Variants in SLC4A7 observed in about 807,000 individuals in gnomAD.
The protein encoded by SLC4A7 is solute carrier family 4 member 7.
Under a neutral mutation model 137.6 loss-of-function variants are expected in SLC4A7, and 51 were observed. The observed-to-expected ratio is 0.37, with a 90% CI of 0.30 to 0.47. The LOEUF (loss-of-function observed/expected upper bound fraction) is 0.47. SLC4A7 is among the 20% of genes least tolerant of loss of function. SLC4A7 has a pLI of 1.00. For synonymous variants in SLC4A7, 542 were observed against 518.6 expected (o/e 1.05, Z -0.61); for missense variants, 1,247 against 1,525.4 (o/e 0.82, Z 3.04).
At chr3:27,483,276 A>C (rs1420579419) in intron 1 of SLC4A7, among the ~76,000 whole-genome samples, 3 of 152,268 alleles carry the variant, frequency 2.0e-5, no homozygotes, top group Non-Finnish European at 4.4e-5. Context: ...ACCGGCCTTA[A>C]GTCCATCCCC....
chr3:27,460,807 T>G (rs1207444324), intron 1 of SLC4A7, among the ~76,000 whole-genome samples: 2 of 152,208 alleles, frequency 1.3e-5, no homozygotes, highest in Non-Finnish European at 2.9e-5. Context: ...CCTTTAAGAA[T>G]CTAGTGCTGT....
At chr3:27,483,234 T>C (rs2059789871) in intron 1 of SLC4A7, among the ~76,000 whole-genome samples, 1 of 152,248 alleles carries the variant, frequency 6.6e-6, no homozygotes, top group Non-Finnish European at 1.5e-5. Flanking sequence ...TTCTTGAGCA[T>C]GGGCCGTTCA....
intron 24 of SLC4A7, among the ~76,000 whole-genome samples, chr3:27,380,151 A>T (rs959233861): frequency 6.6e-6 from 1 of 152,100 alleles, no homozygotes; most frequent in African/African-American, 2.4e-5. Context: ...TGCTAAAAAT[A>T]TAAAAATTAG....
intron 4 of SLC4A7, among the ~76,000 whole-genome samples, 176 bp downstream of exon 4, chr3:27,437,212 G>A (rs955615686): frequency 2.0e-5 from 3 of 151,928 alleles, no homozygotes; most frequent in African/African-American, 4.8e-5. Flanking sequence ...TTAGCCAGGC[G>A]TGGTGGCGGG....
intron 1 of SLC4A7, chr3:27,456,622 A>T: frequency 6.9e-7 from 1 of 1,439,446 alleles, no homozygotes; most frequent in Non-Finnish European, 9.8e-7. Context: ...GTTTGTAAAT[A>T]AAAGACAAGA....
At chr3:27,403,560 G>C (rs562825552) in intron 14 of SLC4A7, among the ~76,000 whole-genome samples, 176 bp from the exon 15 acceptor site, 2 of 149,472 alleles carry the variant, frequency 1.3e-5, no homozygotes, top group South Asian at 4.4e-4. Context: ...TGCTTCGGCT[G>C]AAGACTAGCT....
chr3:27,397,597 A>C (rs1286848672), intron 18 of SLC4A7, 87 bp downstream of exon 18: 2 of 703,560 alleles, frequency 2.8e-6, no homozygotes, highest in Non-Finnish European at 5.0e-6. Context: ...CATACTTTTA[A>C]AACAATAACT....
In SLC4A7 at chr3:27,394,701, T is replaced by C. The variant is rs764727322; in HGVS notation, c.2934A>G (p.Gly978=). The part of the protein sequence containing the change: ...GVMLGVCSVM[G]LPWFVAATVL... ...CTGTTGCAGCCACAAACCATGGAAG[T>C]CCCATGACAGAGCAAACTCCCAACA... Residue 978 remains glycine, a synonymous_variant, in exon 20 of 26, where the codon GGA becomes GGG. Transcript: ENST00000454389. 1 of 1,614,102 alleles carries C rather than the reference T, an allele frequency of 6.2e-7. No individual in the cohort carries two copies. The highest frequency in any genetic ancestry group is 2.2e-5 in the East Asian group (1 of 44,878).
rs760718793 is a variant in SLC4A7, at chr3:27,390,109, A to G, written c.3187-5T>C. On this transcript the variant is annotated splice_region_variant and splice_polypyrimidine_tract_variant and intron_variant, in intron 21 of 25. Coordinates refer to ENST00000454389, the MANE Select transcript of SLC4A7 (RefSeq NM_001321103.2). ...TAATTTTATACGGTCAAATAACTACATATAGAATAAAAAACAAAGAAGTTT... is the reference window on the plus strand; with the variant it reads ...TAATTTTATACGGTCAAATAACTACGTATAGAATAAAAAACAAAGAAGTTT... The G allele has an allele frequency of 6.5e-7, 1 of 1,544,006 alleles. No homozygotes were observed. Among genetic ancestry groups the G allele is most frequent in the African/African-American group, 1.4e-5 (1 of 72,566 alleles).
In SLC4A7 at chr3:27,468,061, T is replaced by C. The variant is rs770326928; in HGVS notation, c.61-15563A>G. Among the ~76,000 whole-genome samples the C allele has an allele frequency of 4.6e-5, 7 of 152,248 alleles. No homozygotes were observed. In the South Asian group the frequency reaches 1.4e-3, roughly 32 times the overall value. ...GCCTCAGCCTCCCAAGTAGCTGGGA[T>C]TACAGGTACACATCACCACACCCAG... On this transcript the variant is annotated intron_variant, in intron 1 of 25. Transcript: ENST00000454389.
chr3:27,436,758 CATA>C (rs1426607689), intron 4 of SLC4A7, among the ~76,000 whole-genome samples: 2 of 151,974 alleles, frequency 1.3e-5, no homozygotes, highest in Admixed American at 6.6e-5. Context: ...TTCTAGGTAT[CATA>C]ATAATAAGCC....
rs146660933 is a variant in SLC4A7 at position 27,394,867 on chromosome 3, T to A, written c.2865+87A>T. 5.9e-4 allele frequency: 908 copies of A among 1,538,850 alleles called. 5 individuals carry two copies. The African/African-American group carries it at 0.011, about 19-fold the overall frequency. ...TAAAGAGGGAAGAAGCTAATTTTCA[T>A]CTTACATCTTTTAATGTTCTAATCA... On this transcript the variant is annotated intron_variant, in intron 19 of 25. Transcript: ENST00000454389.
At chr3:27,413,491 A>T (rs2054101402) in intron 11 of SLC4A7, among the ~76,000 whole-genome samples, 1 of 152,200 alleles carries the variant, frequency 6.6e-6, no homozygotes, top group African/African-American at 2.4e-5. Flanking sequence ...ACAGTAATAC[A>T]AACTAGTAGA....
At chr3:27,471,092 T>C (rs1296418080) in intron 1 of SLC4A7, among the ~76,000 whole-genome samples, 1 of 152,240 alleles carries the variant, frequency 6.6e-6, no homozygotes, top group African/African-American at 2.4e-5. Flanking sequence ...GTCATGTATG[T>C]ATGCATGTAT....
intron 5 of SLC4A7, among the ~76,000 whole-genome samples, chr3:27,434,979 T>G (rs2056620101): frequency 6.6e-6 from 1 of 152,162 alleles, no homozygotes. Flanking sequence ...AACCAAAGTC[T>G]GAAACCCATA....
At chr3:27,462,943 GAAC>G (rs762173799) in intron 1 of SLC4A7, 2 of 152,288 alleles carry the variant, frequency 1.3e-5, no homozygotes, top group African/African-American at 2.4e-5. Flanking sequence ...ATGATATTAT[GAAC>G]AACGAGTTAC....
chr3:27,458,425 G>A (rs1014119954), intron 1 of SLC4A7, among the ~76,000 whole-genome samples: 2 of 152,126 alleles, frequency 1.3e-5, no homozygotes, highest in Non-Finnish European at 2.9e-5. Flanking sequence ...CTGACTGTAC[G>A]TAACAGGTGA....
intron 25 of SLC4A7, among the ~76,000 whole-genome samples, chr3:27,378,331 G>T (rs981948049): frequency 3.3e-5 from 5 of 152,064 alleles, no homozygotes; most frequent in African/African-American, 1.2e-4. Context: ...ATGACTGAAG[G>T]CCTAGAAAAG....
intron 3 of SLC4A7, among the ~76,000 whole-genome samples, chr3:27,448,186 C>T (rs981184214): frequency 5.0e-5 from 7 of 140,908 alleles, no homozygotes; most frequent in African/African-American, 1.3e-4. Flanking sequence ...CACTCCAGCC[C>T]AGCCGGGGTG....
Sources: gnomAD v4.1 joint callset for allele counts (sites outside exome capture counted in the v4.1 genomes callset) on GRCh38, gnomAD v4.1.1 for gene constraint, MANE v1.5 for transcripts, NCBI Gene and HGNC (gene_info 2026-07-23, HGNC 2026-07-21) for gene names.